Variants in DLC1 observed in about 807,000 individuals in gnomAD.
DLC1 encodes the protein DLC1 Rho GTPase activating protein, also known as rho GTPase-activating protein 7.
Under a neutral mutation model 140.3 loss-of-function variants are expected in DLC1, and 54 were observed. The ratio of observed to expected loss-of-function variants is 0.38; its 90% CI spans 0.31 to 0.48. DLC1 has a LOEUF of 0.48. DLC1 is among the 20% of genes least tolerant of loss of function. The pLI is 0.96. For synonymous variants in DLC1, 986 were observed against 728.1 expected (o/e 1.35, Z -5.70); for missense variants, 2,536 against 1,907.0 (o/e 1.33, Z -6.14).
chr8:13,429,710 G>A (rs1838770913), intron 2 of DLC1, among the ~76,000 whole-genome samples: 1 of 152,150 alleles, frequency 6.6e-6, no homozygotes, highest in Non-Finnish European at 1.5e-5. Flanking sequence ...TTTCTTGTTA[G>A]TATCTATTTG....
At chr8:13,206,668 A>T (rs1009437266) in intron 5 of DLC1, among the ~76,000 whole-genome samples, 6 of 152,190 alleles carry the variant, frequency 3.9e-5, no homozygotes, top group African/African-American at 1.4e-4. Context: ...TTAAAGCTAA[A>T]AGTGCACAAA....
chr8:13,462,756 T>A (rs755997853), intron 2 of DLC1, among the ~76,000 whole-genome samples: 2 of 152,156 alleles, frequency 1.3e-5, no homozygotes, highest in African/African-American at 2.4e-5. Context: ...TGTCTGTTCT[T>A]TATATCTAAG....
At chr8:13,145,371 T>C (rs975121671) in intron 5 of DLC1, among the ~76,000 whole-genome samples, 25 of 152,180 alleles carry the variant, frequency 1.6e-4, no homozygotes, top group Non-Finnish European at 2.8e-4. Flanking sequence ...TGAATAAACG[T>C]ATACTAAGTT....
chr8:13,538,779 T>C (rs970358789), intron 1 of DLC1, among the ~76,000 whole-genome samples: 4 of 152,236 alleles, frequency 2.6e-5, no homozygotes, highest in African/African-American at 9.6e-5. Context: ...CTCAGACTGC[T>C]GACTCCAACT....
At chr8:13,475,192 A>G (rs1457200887) in intron 2 of DLC1, among the ~76,000 whole-genome samples, 1 of 152,098 alleles carries the variant, frequency 6.6e-6, no homozygotes, top group African/African-American at 2.4e-5. Flanking sequence ...CTAAATATTG[A>G]TTGCTGTTTT....
chr8:13,343,109 A>T (rs1834154237), intron 4 of DLC1, among the ~76,000 whole-genome samples: 2 of 152,194 alleles, frequency 1.3e-5, no homozygotes, highest in South Asian at 4.1e-4. Context: ...TTTGTGAAAC[A>T]GGCGCACTTG....
chr8:13,088,613 T>C lies in DLC1; in HGVS notation c.4166A>G (p.Gln1389Arg), dbSNP rs781708821. 6.2e-7 allele frequency: 1 copy of C among 1,614,206 alleles called. No individual in the cohort carries two copies. Among genetic ancestry groups the C allele is most frequent in the Non-Finnish European group, 8.5e-7 (1 of 1,180,050 alleles). The change falls in exon 16 of 18, where the codon CAG becomes CGG. Residue 1389 changes from glutamine (Q) to arginine (R), a missense_variant. Coordinates refer to ENST00000276297, the MANE Select transcript of DLC1 (RefSeq NM_182643.3). ...EEILKRLLKEQHLWDVDLLDS... is the reference protein window; with the variant it reads ...EEILKRLLKERHLWDVDLLDS... ...CAACAGGTCTACATCCCAGAGGTGCTGTTCTTTAAGTAGGCGCTTTAAGAT... is the reference window on the plus strand; with the variant it reads ...CAACAGGTCTACATCCCAGAGGTGCCGTTCTTTAAGTAGGCGCTTTAAGAT...
chr8:13,353,488 G>C (rs1416854450), intron 4 of DLC1: 1 of 151,912 alleles, frequency 6.6e-6, no homozygotes, highest in Non-Finnish European at 1.5e-5. Context: ...GATTAGTTCT[G>C]TGGCAGTGAA....
intron 3 of DLC1, among the ~76,000 whole-genome samples, chr8:13,397,925 G>A (rs1837121215): frequency 6.6e-6 from 1 of 152,080 alleles, no homozygotes; most frequent in African/African-American, 2.4e-5. Context: ...GAGGTGAGGA[G>A]ATCGAGACCA....
rs560096283 is a variant in DLC1, at chr8:13,086,068, C to A, written c.4467-137G>T. On this transcript the variant is annotated intron_variant, in intron 17 of 17. Coordinates refer to ENST00000276297, the MANE Select transcript of DLC1 (RefSeq NM_182643.3). ...TGCCTTTGAATTCATGGCCGAGCTA[C>A]CATATTTGCTTTGCTTTAGAACCAC... 1.1e-3 allele frequency: 1,613 copies of A among 1,415,794 alleles called. 2 individuals are homozygous for A. The highest frequency in any genetic ancestry group is 1.4e-3 in the Non-Finnish European group (1,511 of 1,072,536). 87.7% of individuals were successfully genotyped at this position (1,415,794 alleles called of 1,614,324 possible). A position where few individuals can be genotyped will look rare whatever the true frequency, so the allele number is the denominator to read the frequency against.
chr8:13,567,895 C>A (rs1804510049), intron 1 of DLC1: 1 of 1,551,992 alleles, frequency 6.4e-7, no homozygotes, highest in Non-Finnish European at 8.7e-7. Flanking sequence ...TCTGCCATTT[C>A]TCAAGCGACT....
intron 5 of DLC1, among the ~76,000 whole-genome samples, chr8:13,293,402 G>A (rs974177702): frequency 5.3e-5 from 8 of 152,180 alleles, no homozygotes; most frequent in Non-Finnish European, 1.2e-4. Context: ...TGAAAGAGAC[G>A]GGGTGGAAGA....
chr8:13,194,786 T>C (rs1002451973), intron 5 of DLC1, among the ~76,000 whole-genome samples: 2 of 152,200 alleles, frequency 1.3e-5, no homozygotes, highest in Non-Finnish European at 2.9e-5. Flanking sequence ...GGTGGGAGGA[T>C]TTCTTGATCT....
rs190447798 is a variant in DLC1, at chr8:13,272,828, C to A, written c.1348+32441G>T. On this transcript the variant is annotated intron_variant, in intron 5 of 17. Transcript: ENST00000276297. ...GGCAGAGCTTAAAGTGAGCCGAGAT[C>A]GCGCCACTGCATTCCAACCTGGGTG... Among the ~76,000 whole-genome samples, 609 of 152,296 alleles carry A rather than the reference C, an allele frequency of 4.0e-3. 6 individuals are homozygous for A. Among genetic ancestry groups the A allele is most frequent in the African/African-American group, 0.014 (589 of 41,570 alleles).
At chr8:13,423,407 T>C (rs1364144659) in intron 2 of DLC1, among the ~76,000 whole-genome samples, 1 of 152,156 alleles carries the variant, frequency 6.6e-6, no homozygotes, top group Non-Finnish European at 1.5e-5. Context: ...ATTTAAGTGA[T>C]TTGGAGAAGT....
chr8:13,336,771 A>T (rs1833826358), intron 4 of DLC1, among the ~76,000 whole-genome samples: 1 of 152,208 alleles, frequency 6.6e-6, no homozygotes, highest in Non-Finnish European at 1.5e-5. Context: ...ATCAATTAAT[A>T]ATGTACATAA....
chr8:13,591,150 T>C (rs753102084), intron 1 of DLC1, among the ~76,000 whole-genome samples: 12 of 152,066 alleles, frequency 7.9e-5, no homozygotes, highest in Non-Finnish European at 1.6e-4. Flanking sequence ...TGAGAAATTT[T>C]AGGGAGATAT....
chr8:13,294,831 G>C (rs1406335337), intron 5 of DLC1, among the ~76,000 whole-genome samples: 1 of 152,150 alleles, frequency 6.6e-6, no homozygotes, highest in African/African-American at 2.4e-5. Flanking sequence ...GTATCTTAGG[G>C]AGCCTCTCTG....
chr8:13,543,395 G>C (rs1164468121), intron 1 of DLC1, among the ~76,000 whole-genome samples: 1 of 152,110 alleles, frequency 6.6e-6, no homozygotes, highest in African/African-American at 2.4e-5. Context: ...ATTTTAAAAT[G>C]TGTCTTTTTG....
Sources: allele counts gnomAD v4.1 joint callset (sites outside exome capture counted in the v4.1 genomes callset), GRCh38; gene constraint gnomAD v4.1.1; transcripts MANE v1.5; gene names NCBI Gene and HGNC (gene_info 2026-07-23, HGNC 2026-07-21).